The following ATF3 variants were observed in gnomAD, a reference collection of about 807,000 sequenced individuals.
The protein encoded by ATF3 is activating transcription factor 3, also known as cyclic AMP-dependent transcription factor ATF-3.
In ATF3, 10 loss-of-function variants were observed where a neutral mutation model predicts 18.4. The ratio of observed to expected loss-of-function variants is 0.54; its 90% CI spans 0.34 to 0.92. The LOEUF (loss-of-function observed/expected upper bound fraction) is 0.92, where lower values mean the gene tolerates loss of function less well. Among genes scored for constraint, ATF3 ranks in the 40% least tolerant of loss-of-function variants. The pLI, the probability that ATF3 is intolerant of heterozygous loss-of-function variation, is 0.02. For missense variants in ATF3, 183 were observed against 222.3 expected (o/e 0.82, Z 1.12); for synonymous variants, 78 against 87.9 (o/e 0.89, Z 0.63).
At chr1:212,588,315 C>T (rs1461779441) in intron 1 of ATF3, among the ~76,000 whole-genome samples, 1 of 152,138 alleles carries the variant, frequency 6.6e-6, no homozygotes, top group Non-Finnish European at 1.5e-5. Context: ...CCACCAGCAA[C>T]CACCAGGGAA....
Position 212,619,567 on chromosome 1 carries a change from A to G in ATF3, c.*12A>G, listed in dbSNP as rs747994108. On this transcript the variant is annotated 3_prime_UTR_variant, in exon 4 of 4. Coordinates refer to ENST00000341491, the MANE Select transcript of ATF3 (RefSeq NM_001674.4). The surrounding 1 kb of genome is among the most constrained non-coding windows in gnomAD (Gnocchi z 4.4). ...CATTGCAGAGCTAAGCAGTCGTGGT[A>G]TGGGGGCGACTGGGGAGTCCTCATT... is the stretch of plus-strand genomic sequence containing the variant. The G allele has an allele frequency of 1.9e-6, 3 of 1,613,814 alleles. No individual in the cohort carries two copies. The highest frequency in any genetic ancestry group is 1.7e-4 in the Middle Eastern group (1 of 6,060).
Position 212,615,224 on chromosome 1 carries a change from G to GCGAA in ATF3, c.206_207insACGA (p.Asp69GlufsTer17). On this transcript the variant is annotated frameshift_variant, in exon 2 of 4. Transcript: ENST00000341491. LOFTEE classifies it high-confidence loss of function. ...TCTGCGCTGGAATCAGTCACTGTCA[G>GCGAA]CGACAGACCCCTCGGGGTGTCCATC... 2 of 1,614,170 alleles carry GCGAA rather than the reference G, an allele frequency of 1.2e-6. No individual in the cohort carries two copies. Among genetic ancestry groups the GCGAA allele is most frequent in the Non-Finnish European group, 1.7e-6 (2 of 1,180,042 alleles).
rs550382194 is a variant in ATF3 at position 212,615,999 on chromosome 1, T to C, written c.240+738T>C. Among the ~76,000 whole-genome samples, 25 of 151,542 alleles carry C rather than the reference T, an allele frequency of 1.6e-4. No individual in the cohort carries two copies. In the South Asian group the frequency reaches 5.0e-3, roughly 30 times the overall value. On this transcript the variant is annotated intron_variant, in intron 2 of 3. Coordinates refer to ENST00000341491, the MANE Select transcript of ATF3 (RefSeq NM_001674.4). ...AGGAAGTCAGGTAAGGATTCACTGATAGTGACTTTTGAGCAGAGGTCAAAA... is the reference window on the plus strand; with the variant it reads ...AGGAAGTCAGGTAAGGATTCACTGACAGTGACTTTTGAGCAGAGGTCAAAA...
intron 1 of ATF3, among the ~76,000 whole-genome samples, chr1:212,572,239 G>T (rs1355782372): frequency 6.6e-6 from 1 of 152,030 alleles, no homozygotes; most frequent in Non-Finnish European, 1.5e-5. Flanking sequence ...CTTTGTTGCC[G>T]GGCGTGGTGG....
intron 2 of ATF3, among the ~76,000 whole-genome samples, chr1:212,617,817 C>T (rs967636196): frequency 1.3e-5 from 2 of 152,214 alleles, no homozygotes; most frequent in Non-Finnish European, 2.9e-5. Flanking sequence ...CAATAGTTAT[C>T]AATTTGCATA....
intron 1 of ATF3, among the ~76,000 whole-genome samples, chr1:212,603,319 A>C (rs1227198614): frequency 6.6e-6 from 1 of 152,238 alleles, no homozygotes; most frequent in East Asian, 1.9e-4. Context: ...ATGAAGAGGA[A>C]ATAAAGGAGG....
chr1:212,599,607 A>G (rs1272155547), intron 1 of ATF3, among the ~76,000 whole-genome samples: 1 of 152,034 alleles, frequency 6.6e-6, no homozygotes, highest in East Asian at 1.9e-4. Context: ...GATATCCCCA[A>G]CATGCTGATG....
upstream of ATF3, among the ~76,000 whole-genome samples, chr1:212,603,825 G>T (rs1654551440): frequency 6.6e-6 from 1 of 151,056 alleles, no homozygotes; most frequent in Non-Finnish European, 1.5e-5. Flanking sequence ...TTGTATATAT[G>T]CTATACTTTA....
chr1:212,578,138 T>C (rs1386792059), intron 1 of ATF3, among the ~76,000 whole-genome samples: 2 of 152,238 alleles, frequency 1.3e-5, no homozygotes, highest in Non-Finnish European at 2.9e-5. Context: ...TGATACCTGT[T>C]AACTTATGAT....
chr1:212,571,570 GT>G (rs1321916155), intron 1 of ATF3, among the ~76,000 whole-genome samples: 1 of 151,732 alleles, frequency 6.6e-6, no homozygotes, highest in Non-Finnish European at 1.5e-5. Flanking sequence ...CGCCTGGCTA[GT>G]TTTTGTATTT....
chr1:212,616,300 C>A (rs1295934390), intron 2 of ATF3, among the ~76,000 whole-genome samples: 1 of 140,160 alleles, frequency 7.1e-6, no homozygotes, highest in Non-Finnish European at 1.5e-5. Flanking sequence ...GATACACACA[C>A]ACACTTTTTT....
chr1:212,591,850 G>A (rs919930153), intron 1 of ATF3, among the ~76,000 whole-genome samples: 1 of 151,922 alleles, frequency 6.6e-6, no homozygotes, highest in African/African-American at 2.4e-5. Flanking sequence ...TTTGAGAAAG[G>A]GTTTCATTCT....
chr1:212,608,270 G>C (rs1654706799), upstream of ATF3, among the ~76,000 whole-genome samples: 3 of 152,158 alleles, frequency 2.0e-5, no homozygotes, highest in South Asian at 6.2e-4. Flanking sequence ...GAGAAAGGTC[G>C]TGCCCGCTTC....
chr1:212,574,473 T>C (rs987619333), intron 1 of ATF3, among the ~76,000 whole-genome samples: 1 of 152,090 alleles, frequency 6.6e-6, no homozygotes, highest in Non-Finnish European at 1.5e-5. Flanking sequence ...TCCTGTTCTA[T>C]AATATCTTTT....
chr1:212,600,213 C>T (rs1338434996), intron 1 of ATF3, among the ~76,000 whole-genome samples: 1 of 152,230 alleles, frequency 6.6e-6, no homozygotes, highest in Admixed American at 6.5e-5. Flanking sequence ...TCCAGCCCAC[C>T]CTCAGCCCTC....
intron 1 of ATF3, among the ~76,000 whole-genome samples, chr1:212,610,152 A>G (rs570338757): frequency 1.3e-5 from 2 of 152,070 alleles, no homozygotes; most frequent in Non-Finnish European, 2.9e-5. Context: ...CCCCACTCCC[A>G]TTTTCATTTC....
intron 1 of ATF3, among the ~76,000 whole-genome samples, chr1:212,581,353 G>A (rs779485382): frequency 2.0e-5 from 3 of 152,120 alleles, no homozygotes; most frequent in Non-Finnish European, 4.4e-5. Flanking sequence ...TTGTTCCCCT[G>A]CACCTGCTTG....
intron 1 of ATF3, among the ~76,000 whole-genome samples, chr1:212,573,397 A>G (rs1319763721): frequency 6.6e-6 from 1 of 152,004 alleles, no homozygotes; most frequent in Admixed American, 6.5e-5. Context: ...GATGTAATAT[A>G]TTATACTATT....
At chr1:212,566,102 G>T (rs898171660) in intron 1 of ATF3, among the ~76,000 whole-genome samples, 3 of 152,192 alleles carry the variant, frequency 2.0e-5, no homozygotes, top group Non-Finnish European at 2.9e-5. Flanking sequence ...AAGTAAAGAG[G>T]TTAGAGAGGA....
Sources: gnomAD v4.1 joint callset for allele counts (sites outside exome capture counted in the v4.1 genomes callset) on GRCh38, gnomAD v4.1.1 for gene constraint, Gnocchi (gnomAD v3.1) non-coding constraint, MANE v1.5 for transcripts, NCBI Gene and HGNC (gene_info 2026-07-23, HGNC 2026-07-21) for gene names.